Variants in PTPRD observed in about 807,000 individuals in gnomAD.
PTPRD encodes the protein protein tyrosine phosphatase receptor type D, also known as receptor-type tyrosine-protein phosphatase delta.
Under a neutral mutation model 214.5 loss-of-function variants are expected in PTPRD, and 34 were observed. The observed-to-expected ratio is 0.16, with a 90% confidence interval of 0.12 to 0.21. PTPRD has a LOEUF of 0.21. Ranked by LOEUF, PTPRD falls within the 10% of genes least tolerant of loss-of-function variation. PTPRD has a pLI of 1.00. For missense variants in PTPRD, 2,545 were observed against 2,398.7 expected (o/e 1.06, Z -1.27); for synonymous variants, 1,128 against 845.7 (o/e 1.33, Z -5.79).
At chr9:10,256,277 C>T (rs572110841) in intron 3 of PTPRD, among the ~76,000 whole-genome samples, 1 of 152,146 alleles carries the variant, frequency 6.6e-6, no homozygotes, top group African/African-American at 2.4e-5. Flanking sequence ...CTTTGTCTTC[C>T]ATCTCCACAT....
intron 2 of PTPRD, among the ~76,000 whole-genome samples, chr9:10,558,630 T>G (rs552210883): frequency 6.6e-6 from 1 of 152,286 alleles, no homozygotes; most frequent in Admixed American, 6.5e-5. Flanking sequence ...ATGTCACTTT[T>G]TGTCTACCTA....
intron 5 of PTPRD, among the ~76,000 whole-genome samples, chr9:9,773,832 C>A (rs1475848395): frequency 6.6e-6 from 1 of 152,012 alleles, no homozygotes; most frequent in Non-Finnish European, 1.5e-5. Flanking sequence ...TATACTCTAC[C>A]CACAGAAATC....
rs1286814461 is a variant in PTPRD at position 8,317,542 on chromosome 9, C to T, written c.*332G>A. 1 of 288,106 alleles carries T rather than the reference C, an allele frequency of 3.5e-6. No individual in the cohort carries two copies. The highest frequency in any genetic ancestry group is 6.7e-6 in the Non-Finnish European group (1 of 148,286). 17.8% of individuals were successfully genotyped at this position (288,106 alleles called of 1,614,324 possible). A position where few individuals can be genotyped will look rare whatever the true frequency, so the allele number is the denominator to read the frequency against. On this transcript the variant is annotated 3_prime_UTR_variant, in exon 46 of 46. Coordinates refer to ENST00000381196, the MANE Select transcript of PTPRD (RefSeq NM_002839.4). ...GCAGCATTCTGGCAATTTCTCCTTGCACCTTTCAAGCAATCCTGAATAAGA... is the reference window on the plus strand; with the variant it reads ...GCAGCATTCTGGCAATTTCTCCTTGTACCTTTCAAGCAATCCTGAATAAGA...
chr9:10,418,668 C>A (rs997519912), intron 2 of PTPRD, among the ~76,000 whole-genome samples: 1 of 151,550 alleles, frequency 6.6e-6, no homozygotes. Context: ...TGTTTTGTTC[C>A]CTGCTTTATT....
chr9:9,225,269 T>C (rs1278133649), intron 9 of PTPRD, among the ~76,000 whole-genome samples: 1 of 152,044 alleles, frequency 6.6e-6, no homozygotes, highest in Non-Finnish European at 1.5e-5. Flanking sequence ...TCTGATCCAT[T>C]AACATATGAG....
At chr9:9,398,924 C>T (rs978386795) in intron 8 of PTPRD, among the ~76,000 whole-genome samples, 2 of 151,968 alleles carry the variant, frequency 1.3e-5, no homozygotes, top group Admixed American at 1.3e-4. Context: ...ATTTTATACT[C>T]CTAGCCAACT....
In PTPRD at chr9:8,614,196, T is replaced by C. The variant is rs116697922; in HGVS notation, c.352+19121A>G. 3.8e-3 allele frequency among the ~76,000 whole-genome samples: 579 copies of C among 152,286 alleles called. 10 individuals are homozygous for C. The highest frequency in any genetic ancestry group is 0.014 in the African/African-American group (562 of 41,558). ...AGCTTTTTGACCCTCATTCTTCATATTTGTGAATTCACCTATTTGCTAAAG... is the reference window on the plus strand; with the variant it reads ...AGCTTTTTGACCCTCATTCTTCATACTTGTGAATTCACCTATTTGCTAAAG... On this transcript the variant is annotated intron_variant, in intron 14 of 45. Transcript: ENST00000381196.
intron 3 of PTPRD, among the ~76,000 whole-genome samples, chr9:10,083,844 T>G (rs1456424822): frequency 6.6e-6 from 1 of 151,958 alleles, no homozygotes; most frequent in African/African-American, 2.4e-5. Flanking sequence ...ATGCCACAGC[T>G]GATCTGATAG....
intron 12 of PTPRD, among the ~76,000 whole-genome samples, chr9:8,638,569 G>C (rs1406130365): frequency 6.6e-6 from 1 of 152,130 alleles, no homozygotes; most frequent in Non-Finnish European, 1.5e-5. Context: ...AGGTTTCCTA[G>C]CTTTATATAT....
chr9:9,959,980 C>A (rs1361042888), intron 4 of PTPRD, among the ~76,000 whole-genome samples: 1 of 152,032 alleles, frequency 6.6e-6, no homozygotes, highest in African/African-American at 2.4e-5. Flanking sequence ...GCTCTGTCTG[C>A]CTAGAGGGCC....
intron 2 of PTPRD, among the ~76,000 whole-genome samples, chr9:10,440,332 G>A (rs538085118): frequency 6.6e-6 from 1 of 151,644 alleles, no homozygotes; most frequent in Non-Finnish European, 1.5e-5. Flanking sequence ...TTAGTGCTAT[G>A]AATTTTTAAA....
At chr9:10,431,807 G>C (rs1380901786) in intron 2 of PTPRD, among the ~76,000 whole-genome samples, 4 of 152,078 alleles carry the variant, frequency 2.6e-5, no homozygotes, top group African/African-American at 4.8e-5. Context: ...AGAGGATGTG[G>C]AGAAATAGGA....
chr9:8,762,105 T>A (rs561878916), intron 11 of PTPRD, among the ~76,000 whole-genome samples: 1 of 152,280 alleles, frequency 6.6e-6, no homozygotes, highest in South Asian at 2.1e-4. Flanking sequence ...AGGGGATGTG[T>A]GTGTGTATAT....
intron 7 of PTPRD, among the ~76,000 whole-genome samples, chr9:9,631,575 T>C (rs1387099729): frequency 3.3e-5 from 5 of 152,124 alleles, no homozygotes; most frequent in Non-Finnish European, 5.9e-5. Context: ...CAGAGTTGTA[T>C]TACAAGAGAA....
intron 2 of PTPRD, among the ~76,000 whole-genome samples, chr9:10,479,696 G>T (rs762282170): frequency 7.8e-6 from 1 of 128,354 alleles, no homozygotes; most frequent in Non-Finnish European, 1.7e-5. Flanking sequence ...ATAGTGGTGT[G>T]CACTGGTAGT....
intron 4 of PTPRD, among the ~76,000 whole-genome samples, chr9:9,944,642 G>T (rs1311158430): frequency 6.6e-6 from 1 of 151,778 alleles, no homozygotes; most frequent in African/African-American, 2.4e-5. Flanking sequence ...GCCACATGAA[G>T]AGCAAAGTCT....
chr9:9,251,993 C>T (rs2099975652), intron 9 of PTPRD, among the ~76,000 whole-genome samples: 1 of 152,034 alleles, frequency 6.6e-6, no homozygotes, highest in Admixed American at 6.6e-5. Flanking sequence ...AACCTATATA[C>T]AATGCTTGCT....
intron 5 of PTPRD, among the ~76,000 whole-genome samples, chr9:9,870,386 A>G (rs1022495446): frequency 6.7e-6 from 1 of 148,786 alleles, no homozygotes; most frequent in Non-Finnish European, 1.5e-5. Flanking sequence ...TACAATCTAT[A>G]TTTACTATAG....
At chr9:9,125,765 G>T (rs191811910) in intron 10 of PTPRD, among the ~76,000 whole-genome samples, 33 of 152,226 alleles carry the variant, frequency 2.2e-4, no homozygotes, top group African/African-American at 7.7e-4. Flanking sequence ...TGCCCTCATA[G>T]AACTATATAT....
Sources: allele counts gnomAD v4.1 joint callset (sites outside exome capture counted in the v4.1 genomes callset), GRCh38; gene constraint gnomAD v4.1.1; transcripts MANE v1.5; gene names NCBI Gene and HGNC (gene_info 2026-07-23, HGNC 2026-07-21).